DLG2: variants seen among roughly 807,000 people sequenced by gnomAD.
DLG2 encodes disks large homolog 2.
In DLG2, 45 loss-of-function variants were observed where a neutral mutation model predicts 132.5. That is an observed-to-expected ratio of 0.34 (90% CI 0.27 to 0.44). DLG2 has a LOEUF of 0.44. DLG2 is among the 20% of genes least tolerant of loss of function. The pLI is 1.00. For missense variants in DLG2, 1,045 were observed against 1,196.9 expected (o/e 0.87, Z 1.87); for synonymous variants, 424 against 419.6 (o/e 1.01, Z -0.13).
chr11:84,303,737 AAAAAC>A (rs1296742769), intron 7 of DLG2, among the ~76,000 whole-genome samples: 15 of 152,344 alleles, frequency 9.8e-5, no homozygotes, highest in African/African-American at 3.6e-4. Context: ...GAGTTAAACT[AAAAAC>A]AAAACAAATA....
At chr11:84,979,069 T>G (rs1288138430) in intron 6 of DLG2, among the ~76,000 whole-genome samples, 1 of 152,202 alleles carries the variant, frequency 6.6e-6, no homozygotes, top group Non-Finnish European at 1.5e-5. Flanking sequence ...ATGCTCATCA[T>G]CACTGGGTAT....
At chr11:84,333,601 C>T (rs1600096801) in intron 7 of DLG2, among the ~76,000 whole-genome samples, 1 of 152,066 alleles carries the variant, frequency 6.6e-6, no homozygotes, top group East Asian at 1.9e-4. Flanking sequence ...TTCTTAAAGC[C>T]AAGCTCCTTA....
At chr11:83,872,577 T>C (rs1354368092) in intron 16 of DLG2, among the ~76,000 whole-genome samples, 1 of 152,220 alleles carries the variant, frequency 6.6e-6, no homozygotes, top group Non-Finnish European at 1.5e-5. Flanking sequence ...ATTTTTGGCC[T>C]CATCAGAGAA....
chr11:84,118,605 T>C (rs1415883224), intron 9 of DLG2, among the ~76,000 whole-genome samples: 2 of 152,202 alleles, frequency 1.3e-5, no homozygotes, highest in African/African-American at 4.8e-5. Flanking sequence ...ATAAACTGAA[T>C]TAAAGTGCAG....
At chr11:85,195,573 G>A in intron 4 of DLG2, among the ~76,000 whole-genome samples, 1 of 151,232 alleles carries the variant, frequency 6.6e-6, no homozygotes, top group Non-Finnish European at 1.5e-5. Context: ...GCCCAGGCGG[G>A]AGTGCAGTGG....
chr11:85,046,927 TA>T lies in DLG2; in HGVS notation c.357+64733del, dbSNP rs994419287. On this transcript the variant is annotated intron_variant, in intron 6 of 27. Transcript: ENST00000376104. ...TTAGATGCACTGAGATGCTCTGCAG[TA>T]AAGAGATATGTTCTTTTTATTTGTT... 3.9e-4 allele frequency among the ~76,000 whole-genome samples: 60 copies of T among 152,006 alleles called. 2 individuals are homozygous for T. The highest frequency in any genetic ancestry group is 1.3e-3 in the African/African-American group (54 of 41,512).
intron 3 of DLG2, among the ~76,000 whole-genome samples, chr11:85,559,616 A>G (rs1452524573): frequency 6.6e-6 from 1 of 151,620 alleles, no homozygotes; most frequent in Non-Finnish European, 1.5e-5. Flanking sequence ...TAACCTAAAA[A>G]AATTCTCAAA....
intron 6 of DLG2, among the ~76,000 whole-genome samples, chr11:84,858,311 C>A (rs1160125005): frequency 6.6e-6 from 1 of 151,520 alleles, no homozygotes; most frequent in African/African-American, 2.4e-5. Context: ...TAGAAAAGTG[C>A]AAGTCTGATT....
chr11:84,784,019 T>C (rs933442604), intron 6 of DLG2, among the ~76,000 whole-genome samples: 1 of 151,354 alleles, frequency 6.6e-6, no homozygotes, highest in African/African-American at 2.4e-5. Flanking sequence ...GGGTATAGGC[T>C]GGGCACAGTG....
At chr11:84,667,039 A>G (rs1230521156) in intron 6 of DLG2, among the ~76,000 whole-genome samples, 1 of 152,134 alleles carries the variant, frequency 6.6e-6, no homozygotes, top group East Asian at 1.9e-4. Flanking sequence ...TCTATCTTGT[A>G]TGACTTATTT....
chr11:84,819,559 T>TA (rs138705542), intron 6 of DLG2, among the ~76,000 whole-genome samples: 65 of 148,932 alleles, frequency 4.4e-4, no homozygotes, highest in East Asian at 5.9e-4. Context: ...GATAACCTGA[T>TA]AAAAAAAAAA....
intron 7 of DLG2, among the ~76,000 whole-genome samples, chr11:84,355,809 T>C (rs2154416723): frequency 6.6e-6 from 1 of 152,158 alleles, no homozygotes; most frequent in East Asian, 1.9e-4. Context: ...ATTAGAAGGG[T>C]TAGTGTATCC....
At chr11:84,511,122 T>A (rs1267423576) in intron 7 of DLG2, among the ~76,000 whole-genome samples, 3 of 152,020 alleles carry the variant, frequency 2.0e-5, no homozygotes. Flanking sequence ...ATAAAATGAG[T>A]TTGATGAGAG....
intron 19 of DLG2, among the ~76,000 whole-genome samples, chr11:83,587,362 C>T (rs2097103598): frequency 6.6e-6 from 1 of 151,976 alleles, no homozygotes; most frequent in Admixed American, 6.6e-5. Context: ...CCTCACCTTC[C>T]ATGCTCAAGT....
intron 19 of DLG2, among the ~76,000 whole-genome samples, chr11:83,557,778 C>A (rs2096544739): frequency 6.6e-6 from 1 of 152,058 alleles, no homozygotes; most frequent in Non-Finnish European, 1.5e-5. Flanking sequence ...GATTGGTAAT[C>A]TGGGGTGGTG....
At chr11:83,498,331 A>C (rs2094261462) in intron 21 of DLG2, among the ~76,000 whole-genome samples, 1 of 152,116 alleles carries the variant, frequency 6.6e-6, no homozygotes, top group Admixed American at 6.6e-5. Flanking sequence ...ATTATTAGAA[A>C]ATCTTTAGAA....
chr11:84,748,535 G>T lies in DLG2; in HGVS notation c.358-213804C>A, dbSNP rs534641592. On this transcript the variant is annotated intron_variant, in intron 6 of 27. Transcript: ENST00000376104. Reference sequence around the variant, plus strand: ...TTAACTTTTACTGAGCCCCTACTTTGTGCTATCAGGGAATATAAAAATAAA... The same window carrying T: ...TTAACTTTTACTGAGCCCCTACTTTTTGCTATCAGGGAATATAAAAATAAA... Among the ~76,000 whole-genome samples the T allele has an allele frequency of 5.9e-5, 9 of 152,170 alleles. No homozygotes were observed. In the East Asian group the frequency reaches 1.5e-3, roughly 26 times the overall value.
At chr11:85,256,800 C>CA (rs1389076089) in intron 4 of DLG2, among the ~76,000 whole-genome samples, 1 of 152,002 alleles carries the variant, frequency 6.6e-6, no homozygotes, top group Non-Finnish European at 1.5e-5. Flanking sequence ...AAAGTCTTTA[C>CA]AAAAAAGTCT....
chr11:84,201,084 G>A (rs1418413168), intron 8 of DLG2, among the ~76,000 whole-genome samples: 1 of 152,128 alleles, frequency 6.6e-6, no homozygotes, highest in Non-Finnish European at 1.5e-5. Flanking sequence ...TTGTGGGTTT[G>A]TCACATATGG....
Sources: allele counts gnomAD v4.1 joint callset (sites outside exome capture counted in the v4.1 genomes callset), GRCh38; gene constraint gnomAD v4.1.1; transcripts MANE v1.5; gene names NCBI Gene and HGNC (gene_info 2026-07-23, HGNC 2026-07-21).